Variants in STK3 observed in about 807,000 individuals in gnomAD.
STK3 encodes serine/threonine-protein kinase 3.
Under a neutral mutation model 58.0 loss-of-function variants are expected in STK3, and 41 were observed. The ratio of observed to expected loss-of-function variants is 0.71; its 90% CI spans 0.55 to 0.92. The LOEUF is 0.92. STK3 is among the 40% of genes least tolerant of loss of function. The pLI is 0.00. For synonymous variants in STK3, 170 were observed against 191.0 expected (o/e 0.89, Z 0.91); for missense variants, 479 against 602.7 (o/e 0.79, Z 2.15).
intron 8 of STK3, among the ~76,000 whole-genome samples, chr8:98,572,569 T>A (rs1813050980): frequency 6.6e-6 from 1 of 152,214 alleles, no homozygotes; most frequent in African/African-American, 2.4e-5. Context: ...TCAATGTGGA[T>A]AAACTTTCCT....
chr8:98,746,055 G>A (rs1829622011), intron 4 of STK3, among the ~76,000 whole-genome samples: 1 of 152,134 alleles, frequency 6.6e-6, no homozygotes, highest in African/African-American at 2.4e-5. Flanking sequence ...ATAATCTTAT[G>A]GGACCACAAT....
intron 8 of STK3, among the ~76,000 whole-genome samples, chr8:98,559,629 G>A (rs1303919046): frequency 1.3e-5 from 2 of 152,080 alleles, no homozygotes; most frequent in Admixed American, 6.6e-5. Context: ...GATTCAGACC[G>A]CTGTATCCAA....
intron 3 of STK3, among the ~76,000 whole-genome samples, chr8:98,873,945 C>T (rs1165951418): frequency 6.6e-6 from 1 of 152,212 alleles, no homozygotes; most frequent in African/African-American, 2.4e-5. Flanking sequence ...TATCAATGGT[C>T]TTTACAATCT....
intron 3 of STK3, among the ~76,000 whole-genome samples, chr8:98,853,730 G>A (rs1836565532): frequency 1.3e-5 from 2 of 152,128 alleles, no homozygotes; most frequent in Admixed American, 6.6e-5. Flanking sequence ...ACAGAATCAG[G>A]AACCAAAAGA....
chr8:98,801,992 C>A (rs1181912065), intron 1 of STK3, among the ~76,000 whole-genome samples: 1 of 152,090 alleles, frequency 6.6e-6, no homozygotes, highest in African/African-American at 2.4e-5. Flanking sequence ...GGCAATGTAG[C>A]AAGATCCTGT....
chr8:98,543,472 A>C (rs1810450376), intron 9 of STK3, among the ~76,000 whole-genome samples: 1 of 152,118 alleles, frequency 6.6e-6, no homozygotes, highest in Non-Finnish European at 1.5e-5. Context: ...GCAAGCAGAG[A>C]TCATGAGAAG....
rs545416550 is a variant in STK3 at position 98,548,968 on chromosome 8, C to A, written c.949-807G>T. 4.6e-5 allele frequency among the ~76,000 whole-genome samples: 7 copies of A among 152,198 alleles called. 1 individual carries two copies. In the East Asian group the frequency reaches 9.7e-4, roughly 21 times the overall value. On this transcript the variant is annotated intron_variant, in intron 8 of 10. Transcript: ENST00000419617. ...TTCCTTTTTAAGGCTGAATGATATT[C>A]CATTGTATGAATACACCACATTTTG...
intron 3 of STK3, among the ~76,000 whole-genome samples, chr8:98,865,099 T>A (rs571660299): frequency 6.6e-6 from 1 of 152,110 alleles, no homozygotes; most frequent in African/African-American, 2.4e-5. Context: ...TTTATTACTG[T>A]AGAAGAAGAG....
At chr8:98,875,983 AG>A (rs1197226412) in intron 3 of STK3, among the ~76,000 whole-genome samples, 2 of 152,178 alleles carry the variant, frequency 1.3e-5, no homozygotes, top group African/African-American at 4.8e-5. Flanking sequence ...GTCTGTTCAA[AG>A]GCAAAGGACC....
At chr8:98,781,726 C>A (rs140653459) in intron 1 of STK3, among the ~76,000 whole-genome samples, 1 of 151,908 alleles carries the variant, frequency 6.6e-6, no homozygotes, top group South Asian at 2.1e-4. Flanking sequence ...CCTACCAGAA[C>A]GAGTCTGTAA....
At chr8:98,867,146 G>C (rs998596881) in intron 3 of STK3, among the ~76,000 whole-genome samples, 2 of 152,222 alleles carry the variant, frequency 1.3e-5, no homozygotes, top group African/African-American at 4.8e-5. Flanking sequence ...GCCTGGCGCA[G>C]TGGTTCATGT....
chr8:98,696,481 T>C (rs1314600628), intron 6 of STK3, among the ~76,000 whole-genome samples: 1 of 151,656 alleles, frequency 6.6e-6, no homozygotes, highest in East Asian at 1.9e-4. Context: ...CAGTATGATA[T>C]TGGCTGTGGG....
intron 6 of STK3, among the ~76,000 whole-genome samples, chr8:98,685,305 T>C (rs966137738): frequency 1.3e-5 from 2 of 152,160 alleles, no homozygotes; most frequent in Admixed American, 1.3e-4. Context: ...TTCCTCAATA[T>C]TACCAAACTA....
At chr8:98,858,442 C>T (rs1046386100) in intron 3 of STK3, among the ~76,000 whole-genome samples, 1 of 146,914 alleles carries the variant, frequency 6.8e-6, no homozygotes, top group Admixed American at 6.8e-5. Flanking sequence ...GCTAGGATTA[C>T]AGGCGTGAGT....
intron 6 of STK3, among the ~76,000 whole-genome samples, chr8:98,630,902 C>A (rs1053579080): frequency 2.7e-5 from 4 of 148,858 alleles, no homozygotes; most frequent in Non-Finnish European, 4.5e-5. Context: ...ATAAACCTGA[C>A]ATATAGTAAA....
chr8:98,775,877 C>T (rs1021492828), intron 1 of STK3, among the ~76,000 whole-genome samples: 1 of 152,078 alleles, frequency 6.6e-6, no homozygotes. Context: ...GTATGGTGCT[C>T]ATGAAACAAG....
At chr8:98,359,533 A>AAAAAAAAG in the STK3 span, among the ~76,000 whole-genome samples, 6 of 142,336 alleles carry the variant, frequency 4.2e-5, no homozygotes, top group Admixed American at 2.1e-4. Flanking sequence ...AAAAAAAAAA[A>AAAAAAAAG]AAAGAAAGAA....
intron 10 of STK3, among the ~76,000 whole-genome samples, chr8:98,468,087 T>C (rs369638558): frequency 1.3e-5 from 2 of 152,238 alleles, no homozygotes; most frequent in Non-Finnish European, 2.9e-5. Context: ...AAGAGTCTCA[T>C]ATTTTAGTTT....
intron 7 of STK3, among the ~76,000 whole-genome samples, chr8:98,593,889 AC>A (rs1178921606): frequency 2.0e-5 from 3 of 151,638 alleles, no homozygotes; most frequent in South Asian, 2.1e-4. Context: ...TAATTATCCT[AC>A]CCCCCCAAAA....
Sources: allele counts gnomAD v4.1 joint callset (sites outside exome capture counted in the v4.1 genomes callset), GRCh38; gene constraint gnomAD v4.1.1; transcripts MANE v1.5; gene names NCBI Gene and HGNC (gene_info 2026-07-23, HGNC 2026-07-21).